STPG1: variants seen among roughly 807,000 people sequenced by gnomAD.
The protein encoded by STPG1 is sperm tail PG-rich repeat containing 1, also known as O(6)-methylguanine-induced apoptosis 2.
In STPG1, 33 loss-of-function variants were observed where a neutral mutation model predicts 40.1. That is an observed-to-expected ratio of 0.82 (90% confidence interval 0.62 to 1.10). STPG1 has a LOEUF of 1.10. Among genes scored for constraint, STPG1 ranks in the 50% least tolerant of loss-of-function variants. The pLI, the probability that STPG1 is intolerant of heterozygous loss-of-function variation, is 0.00. For synonymous variants in STPG1, 150 were observed against 155.0 expected, an observed-to-expected ratio of 0.97 and a Z score of 0.24; for missense variants, 396 against 415.1, an observed-to-expected ratio of 0.95 and a Z score of 0.40.
intron 1 of STPG1, among the ~76,000 whole-genome samples, chr1:24,409,571 T>C (rs77972584): frequency 0.034 from 5,243 of 152,330 alleles, 151 homozygotes; most frequent in Non-Finnish European, 0.048. Context: ...CAGTTACCCA[T>C]GGTCAATTGT....
At chr1:24,404,444 C>T (rs892166717) in intron 1 of STPG1, among the ~76,000 whole-genome samples, 2 of 152,142 alleles carry the variant, frequency 1.3e-5, no homozygotes, top group Non-Finnish European at 1.5e-5. Context: ...CTTGCTTCAT[C>T]ACATGAGTTG....
intron 5 of STPG1, among the ~76,000 whole-genome samples, chr1:24,375,025 C>T (rs72652541): frequency 0.029 from 4,391 of 152,276 alleles, 92 homozygotes; most frequent in Admixed American, 0.061. Context: ...TCTATAAATG[C>T]AGCATTTGGG....
intron 7 of STPG1, among the ~76,000 whole-genome samples, chr1:24,367,454 G>A (rs913609772): frequency 3.9e-5 from 6 of 152,192 alleles, no homozygotes; most frequent in Admixed American, 3.3e-4. Context: ...CAGCTGTATT[G>A]TATAATATAG....
intron 4 of STPG1, among the ~76,000 whole-genome samples, chr1:24,380,729 G>A (rs1642248048): frequency 6.6e-6 from 1 of 152,206 alleles, no homozygotes. Flanking sequence ...GGGGGGTGTA[G>A]CACCAGAAGC....
At chr1:24,374,220 A>G (rs1641895458) in intron 5 of STPG1, among the ~76,000 whole-genome samples, 1 of 145,746 alleles carries the variant, frequency 6.9e-6, no homozygotes, top group South Asian at 2.2e-4. Flanking sequence ...GGGGTGGCCC[A>G]GCAGAGATCA....
intron 3 of STPG1, among the ~76,000 whole-genome samples, chr1:24,390,165 G>C (rs1194197452): frequency 6.6e-6 from 1 of 152,152 alleles, no homozygotes; most frequent in Non-Finnish European, 1.5e-5. Context: ...TCCTCCAAAA[G>C]AACAGTATTC....
At position 24,409,142 on chromosome 1, in the gene STPG1, G is replaced by T. The variant is rs191284394; in HGVS notation, c.-69+4532C>A. On this transcript the variant is annotated intron_variant, in intron 1 of 8. Transcript: ENST00000337248. ...CAGCACTTTGGGAGGCCGAGGTTAG[G>T]CGATAGCTTGAGCTCATGACCAGCC... Among the ~76,000 whole-genome samples the T allele has an allele frequency of 3.9e-5, 6 of 152,184 alleles. No homozygotes were observed. In the East Asian group the frequency reaches 1.2e-3, roughly 29 times the overall value.
rs569645063 is a variant in STPG1, at chr1:24,398,013, A to G, written c.70+3306T>C. 1.2e-3 allele frequency among the ~76,000 whole-genome samples: 179 copies of G among 152,206 alleles called. 1 individual carries two copies. The highest frequency in any genetic ancestry group is 4.0e-3 in the African/African-American group (168 of 41,554). On this transcript the variant is annotated intron_variant, in intron 2 of 8. Transcript: ENST00000337248. ...TAACTTTTTAAAAAACTGTCAAACT[A>G]TTTTTCATAGTCGTTGTACTTTTGC...
intron 1 of STPG1, among the ~76,000 whole-genome samples, chr1:24,405,296 T>A (rs955307343): frequency 6.6e-6 from 1 of 152,228 alleles, no homozygotes; most frequent in Non-Finnish European, 1.5e-5. Context: ...ATATCTTAAA[T>A]GTTCCTGTAA....
chr1:24,369,559 G>T (rs1249291984), intron 7 of STPG1, 115 bp downstream of exon 7: 3 of 1,135,004 alleles, frequency 2.6e-6, no homozygotes, highest in African/African-American at 3.1e-5. Flanking sequence ...GGCCCCTGAA[G>T]AGAGTGGCCC....
Position 24,399,196 on chromosome 1 carries a change from T to G in STPG1, c.70+2123A>C, listed in dbSNP as rs894511513. On this transcript the variant is annotated intron_variant, in intron 2 of 8. Transcript: ENST00000337248. This position sits in a 1 kb window ranked among gnomAD's most constrained non-coding sequence, Gnocchi z 4.0. The stretch of plus-strand genomic sequence containing the variant: ...TTGAAGGGCTTATGCTACTAAAGAG[T>G]TATTATAAAGTTACAGTAATTAGGA... Among the ~76,000 whole-genome samples the G allele has an allele frequency of 2.6e-5, 4 of 151,468 alleles. No homozygotes were observed. The highest frequency in any genetic ancestry group is 9.7e-5 in the African/African-American group (4 of 41,222).
At chr1:24,395,926 T>C (rs1433352035) in intron 2 of STPG1, among the ~76,000 whole-genome samples, 1 of 150,740 alleles carries the variant, frequency 6.6e-6, no homozygotes, top group African/African-American at 2.4e-5. Flanking sequence ...TAGGTTACAG[T>C]GAGCCAAGAC....
intron 2 of STPG1, among the ~76,000 whole-genome samples, chr1:24,397,866 G>A (rs1182877679): frequency 1.3e-5 from 2 of 152,058 alleles, no homozygotes; most frequent in Non-Finnish European, 2.9e-5. Flanking sequence ...TTGAGTTGTC[G>A]CCAGTTTGGG....
intron 2 of STPG1, among the ~76,000 whole-genome samples, chr1:24,397,712 C>T (rs1643064239): frequency 6.6e-6 from 1 of 151,488 alleles, no homozygotes; most frequent in South Asian, 2.1e-4. Flanking sequence ...GTAACATGTA[C>T]TCTTTTTGTC....
intron 1 of STPG1, among the ~76,000 whole-genome samples, chr1:24,406,167 T>A (rs770860913): frequency 3.3e-5 from 5 of 152,116 alleles, no homozygotes; most frequent in Non-Finnish European, 5.9e-5. Flanking sequence ...AAGTGCATAT[T>A]ACTTATGGCC....
intron 3 of STPG1, among the ~76,000 whole-genome samples, chr1:24,387,242 C>T: frequency 6.6e-6 from 1 of 152,190 alleles, no homozygotes; most frequent in East Asian, 1.9e-4. Flanking sequence ...GTTAGCAGCT[C>T]ACAGGGTTTA....
intron 7 of STPG1, chr1:24,364,290 A>C: frequency 6.5e-7 from 1 of 1,549,624 alleles, no homozygotes; most frequent in Non-Finnish European, 8.7e-7. Context: ...TTGGAGATGG[A>C]TTTTGGAGGC....
rs1640859784 is a variant in STPG1, at chr1:24,358,335, T to C, written c.*208A>G. The C allele has an allele frequency of 1.4e-6, 1 of 691,584 alleles. No homozygotes were observed. The highest frequency in any genetic ancestry group is 1.8e-5 in the African/African-American group (1 of 56,952). 42.8% of individuals were successfully genotyped at this position (691,584 alleles called of 1,614,324 possible). Reference sequence around the variant, plus strand: ...AGGAAGCCACTGGAGTCTGTGGGGCTGGGGTGAAGTCTCCAGGGAGCAATG... The same window carrying C: ...AGGAAGCCACTGGAGTCTGTGGGGCCGGGGTGAAGTCTCCAGGGAGCAATG... On this transcript the variant is annotated 3_prime_UTR_variant, in exon 9 of 9. Transcript: ENST00000337248.
chr1:24,411,081 T>G (rs1043921983), intron 1 of STPG1, among the ~76,000 whole-genome samples: 1 of 152,228 alleles, frequency 6.6e-6, no homozygotes, highest in Non-Finnish European at 1.5e-5. Context: ...GCAGTAGGCT[T>G]GTATTAATGT....
Sources: allele counts gnomAD v4.1 joint callset (sites outside exome capture counted in the v4.1 genomes callset), GRCh38; gene constraint gnomAD v4.1.1; non-coding constraint Gnocchi (gnomAD v3.1); transcripts MANE v1.5; gene names NCBI Gene and HGNC (gene_info 2026-07-23, HGNC 2026-07-21).